ATAD2B: variants seen among roughly 807,000 people sequenced by gnomAD.
ATAD2B encodes the protein ATPase family AAA domain containing 2B, also known as ATPase family AAA domain-containing protein 2B.
Under a neutral mutation model 167.6 loss-of-function variants are expected in ATAD2B, and 40 were observed. That is an observed-to-expected ratio of 0.24 (90% CI 0.19 to 0.31). ATAD2B has a LOEUF of 0.31. Ranked by LOEUF, ATAD2B falls within the 10% of genes least tolerant of loss-of-function variation. The pLI is 1.00. For missense variants in ATAD2B, 1,242 were observed against 1,757.2 expected (o/e 0.71, Z 5.24); for synonymous variants, 579 against 596.5 (o/e 0.97, Z 0.43).
chr2:23,693,531 G>A, the ATAD2B span: 1 of 1,548,788 alleles, frequency 6.5e-7, no homozygotes, highest in Non-Finnish European at 8.7e-7. Context: ...GCACACAGGT[G>A]GGGCCTGCCC....
At chr2:23,725,755 T>C in the ATAD2B span, among the ~76,000 whole-genome samples, 1 of 152,124 alleles carries the variant, frequency 6.6e-6, no homozygotes, top group Non-Finnish European at 1.5e-5. Flanking sequence ...AATACAATGG[T>C]AGAGTTAAAT....
At chr2:23,711,749 T>A in the ATAD2B span, among the ~76,000 whole-genome samples, 1 of 152,098 alleles carries the variant, frequency 6.6e-6, no homozygotes, top group African/African-American at 2.4e-5. Flanking sequence ...AATGGAGAAG[T>A]TAGAGAGGTT....
chr2:23,861,164 T>A (rs1337090823), intron 12 of ATAD2B, among the ~76,000 whole-genome samples: 1 of 150,398 alleles, frequency 6.6e-6, no homozygotes. Context: ...TTTTTTTTTT[T>A]ATAACTACAC....
intron 8 of ATAD2B, 117 bp from the exon 9 acceptor site, chr2:23,869,878 T>G: frequency 1.5e-6 from 1 of 677,782 alleles, no homozygotes; most frequent in Non-Finnish European, 2.4e-6. Flanking sequence ...TTTATTAAGA[T>G]TTTTTACCCT....
chr2:23,800,329 A>G (rs1683285805), intron 18 of ATAD2B, among the ~76,000 whole-genome samples: 1 of 152,206 alleles, frequency 6.6e-6, no homozygotes, highest in African/African-American at 2.4e-5. Flanking sequence ...TGAGAGAGAT[A>G]GGAAAACATG....
chr2:23,872,588 C>T, intron 8 of ATAD2B: 1 of 1,271,524 alleles, frequency 7.9e-7, no homozygotes. Context: ...GTCTGCATGC[C>T]TGCGATCCTT....
At chr2:23,733,232 C>T in the ATAD2B span, among the ~76,000 whole-genome samples, 2 of 152,184 alleles carry the variant, frequency 1.3e-5, no homozygotes, top group African/African-American at 4.8e-5. Context: ...CAACAAAGAT[C>T]ACCCAATTGC....
At chr2:23,817,316 A>C (rs1411738498) in intron 17 of ATAD2B, among the ~76,000 whole-genome samples, 1 of 152,228 alleles carries the variant, frequency 6.6e-6, no homozygotes, top group South Asian at 2.1e-4. Context: ...CACTTTCCTC[A>C]TCTATAAAAT....
intron 13 of ATAD2B, among the ~76,000 whole-genome samples, chr2:23,841,775 C>T (rs1350970529): frequency 2.0e-5 from 3 of 152,170 alleles, no homozygotes; most frequent in African/African-American, 7.2e-5. Flanking sequence ...CTTGGCCTCC[C>T]AAACTGCTGG....
rs188427611 is a variant in ATAD2B at position 23,909,568 on chromosome 2, G to A, written c.217-13598C>T. On this transcript the variant is annotated intron_variant, in intron 1 of 27. Coordinates refer to ENST00000238789, the MANE Select transcript of ATAD2B (RefSeq NM_017552.4). ...CTATGAGTTGTTTATATGTGCATAT[G>A]TGTGTGACACACATATAAACCCATA... Among the ~76,000 whole-genome samples the A allele has an allele frequency of 1.1e-4, 17 of 152,104 alleles. No individual in the cohort carries two copies. In the East Asian group the frequency reaches 3.3e-3, roughly 29 times the overall value.
Position 23,798,421 on chromosome 2 carries a change from T to C in ATAD2B, c.2455-98A>G, listed in dbSNP as rs941519001. ...TACATGAAATATGTCAGGCCTATTA[T>C]GGTCATTAGTTTCAGCCTCAAAATT... On this transcript the variant is annotated intron_variant, in intron 18 of 27. Coordinates refer to ENST00000238789, the MANE Select transcript of ATAD2B (RefSeq NM_017552.4). 27 of 927,334 alleles carry C rather than the reference T, an allele frequency of 2.9e-5. No individual in the cohort carries two copies. In the Admixed American group the frequency reaches 7.1e-4, roughly 24 times the overall value. 57.4% of individuals were successfully genotyped at this position (927,334 alleles called of 1,614,324 possible). A position where few individuals can be genotyped will look rare whatever the true frequency, so the allele number is the denominator to read the frequency against.
chr2:23,854,248 GA>G (rs942472853), intron 13 of ATAD2B, among the ~76,000 whole-genome samples: 1 of 147,558 alleles, frequency 6.8e-6, no homozygotes, highest in East Asian at 2.0e-4. Flanking sequence ...CCGTCTCAAA[GA>G]AAAAAAAAGA....
the ATAD2B span, among the ~76,000 whole-genome samples, chr2:23,710,135 G>A: frequency 6.6e-6 from 1 of 150,778 alleles, no homozygotes; most frequent in Non-Finnish European, 1.5e-5. Context: ...TAAACCCATA[G>A]CCAAAATAAG....
intron 1 of ATAD2B, among the ~76,000 whole-genome samples, chr2:23,907,935 T>C (rs1218258091): frequency 6.6e-6 from 1 of 152,026 alleles, no homozygotes; most frequent in African/African-American, 2.4e-5. Flanking sequence ...TGGCTAGCCA[T>C]ATGTAGAAAG....
chr2:23,821,936 G>A (rs990500070), intron 16 of ATAD2B, among the ~76,000 whole-genome samples: 2 of 152,116 alleles, frequency 1.3e-5, no homozygotes, highest in Non-Finnish European at 2.9e-5. Context: ...TTACACAGGC[G>A]TGAGCAACCG....
chr2:23,784,776 G>A (rs867495125), intron 21 of ATAD2B, among the ~76,000 whole-genome samples: 63 of 151,960 alleles, frequency 4.1e-4, no homozygotes, highest in Admixed American at 7.9e-4. Context: ...AACACTATGG[G>A]GGGGGGGATG....
At chr2:23,732,032 G>C in the ATAD2B span, among the ~76,000 whole-genome samples, 6 of 150,804 alleles carry the variant, frequency 4.0e-5, no homozygotes, top group African/African-American at 1.5e-4. Flanking sequence ...TTTTTGTAAA[G>C]AATCTTCAAA....
At chr2:23,841,401 T>C (rs1329775054) in intron 13 of ATAD2B, among the ~76,000 whole-genome samples, 2 of 152,348 alleles carry the variant, frequency 1.3e-5, no homozygotes, top group East Asian at 1.9e-4. Context: ...TATTTAACTA[T>C]TGTCGACATT....
chr2:23,885,663 C>T (rs1698561094), intron 5 of ATAD2B, 64 bp downstream of exon 5: 2 of 912,236 alleles, frequency 2.2e-6, no homozygotes, highest in South Asian at 3.3e-5. Flanking sequence ...GTTGCATTCT[C>T]CCTTTAAATT....
Sources: allele counts gnomAD v4.1 joint callset (sites outside exome capture counted in the v4.1 genomes callset), GRCh38; gene constraint gnomAD v4.1.1; transcripts MANE v1.5; gene names NCBI Gene and HGNC (gene_info 2026-07-23, HGNC 2026-07-21).